The following SMARCA2 variants were observed in gnomAD, a reference collection of about 807,000 sequenced individuals.
SMARCA2 encodes the protein SWI/SNF related BAF chromatin remodeling complex subunit ATPase 2.
Under a neutral mutation model 199.8 loss-of-function variants are expected in SMARCA2, and 61 were observed. The ratio of observed to expected loss-of-function variants is 0.31; its 90% confidence interval spans 0.25 to 0.38. The LOEUF (loss-of-function observed/expected upper bound fraction) is 0.38, where lower values mean the gene tolerates loss of function less well. Ranked by LOEUF, SMARCA2 falls within the 10% of genes least tolerant of loss-of-function variation. The pLI, the probability that SMARCA2 is intolerant of heterozygous loss-of-function variation, is 1.00. For missense variants in SMARCA2, 1,344 were observed against 2,012.2 expected, an observed-to-expected ratio of 0.67 and a Z score of 6.35; for synonymous variants, 935 against 732.0, an observed-to-expected ratio of 1.28 and a Z score of -4.48.
chr9:2,103,346 G>C (rs187145101), intron 22 of SMARCA2, among the ~76,000 whole-genome samples: 1 of 152,134 alleles, frequency 6.6e-6, no homozygotes, highest in Non-Finnish European at 1.5e-5. Flanking sequence ...GACAGCAGAC[G>C]GGGCCAAAGG....
chr9:2,033,729 A>G (rs1819174903), intron 3 of SMARCA2, among the ~76,000 whole-genome samples: 1 of 152,250 alleles, frequency 6.6e-6, no homozygotes, highest in Admixed American at 6.5e-5. Flanking sequence ...GCTTTAGAGA[A>G]GTATCCTTCC....
chr9:2,021,592 G>T (rs1360217045), intron 1 of SMARCA2, among the ~76,000 whole-genome samples: 4 of 152,274 alleles, frequency 2.6e-5, no homozygotes, highest in South Asian at 2.1e-4. Context: ...CCTGTGCTTT[G>T]TTGAACTGGA....
intron 24 of SMARCA2, among the ~76,000 whole-genome samples, chr9:2,111,024 T>C (rs1031344946): frequency 6.6e-6 from 1 of 151,504 alleles, no homozygotes; most frequent in Non-Finnish European, 1.5e-5. Flanking sequence ...GCTATCCTTT[T>C]AAAGCAGTAC....
At chr9:2,079,992 G>A (rs1821496312) in intron 14 of SMARCA2, 1 of 152,124 alleles carries the variant, frequency 6.6e-6, no homozygotes, top group Non-Finnish European at 1.5e-5. Context: ...GTGTCTCTCT[G>A]GATTTATACC....
chr9:2,110,327 C>T lies in SMARCA2; in HGVS notation c.3366C>T (p.Phe1122=). The T allele has an allele frequency of 6.2e-7, 1 of 1,613,672 alleles. No individual in the cohort carries two copies. Residue 1122 remains phenylalanine (F), a synonymous_variant, in exon 24 of 34, where the codon TTC becomes TTT. Coordinates refer to ENST00000349721, the MANE Select transcript of SMARCA2 (RefSeq NM_003070.5). The surrounding 1 kb of genome is among the most constrained non-coding windows in gnomAD (Gnocchi z 4.8). ...AACCTGGATCCCAGTATTTCATTTT[C>T]TTGCTGAGCACAAGAGCTGGTGGCC... is the stretch of plus-strand genomic sequence containing the variant. ...FNEPGSQYFI[F]LLSTRAGGLG... is the part of the protein sequence containing the mutation.
Position 2,182,220 on chromosome 9 carries a change from C to G in SMARCA2, c.4439C>G (p.Thr1480Arg). The change falls in exon 31 of 34, where the codon ACG (threonine) becomes AGG (arginine). Residue 1480 changes from threonine (T) to arginine (R), a missense_variant. Physicochemically the swap from Thr to Arg is moderately conservative, Grantham distance 71. Transcript: ENST00000349721. ...DVMLLCHNAQTFNLEGSQIYE... is the reference protein window; with the variant it reads ...DVMLLCHNAQRFNLEGSQIYE... ...ATGCTTCTCTGTCACAACGCTCAGA[C>G]GTTCAACCTGGAGGGATCCCAGGTC... 1.9e-6 allele frequency: 3 copies of G among 1,612,358 alleles called. No homozygotes were observed. Among genetic ancestry groups the G allele is most frequent in the Non-Finnish European group, 2.5e-6 (3 of 1,178,442 alleles).
At chr9:2,028,615 A>C (rs1047821184) in intron 1 of SMARCA2, among the ~76,000 whole-genome samples, 5 of 152,164 alleles carry the variant, frequency 3.3e-5, no homozygotes, top group African/African-American at 1.2e-4. Flanking sequence ...TGTGGGGGTT[A>C]ATGTCTTGTA....
At chr9:2,019,097 A>T (rs975205377) in intron 1 of SMARCA2, among the ~76,000 whole-genome samples, 45 of 151,986 alleles carry the variant, frequency 3.0e-4, no homozygotes, top group Admixed American at 2.4e-3. Context: ...ATTTAGAGAC[A>T]CCTGTTAGGT....
intron 27 of SMARCA2, among the ~76,000 whole-genome samples, chr9:2,140,081 T>C (rs1158396707): frequency 6.6e-6 from 1 of 152,190 alleles, no homozygotes; most frequent in Non-Finnish European, 1.5e-5. Flanking sequence ...TTTGCTACTT[T>C]CCTTGCAAAT....
chr9:2,042,248 CA>C (rs1385609512), intron 4 of SMARCA2: 1 of 152,078 alleles, frequency 6.6e-6, no homozygotes, highest in African/African-American at 2.4e-5. Context: ...AAGTAGAGGC[CA>C]GCTGGTAACT....
chr9:2,192,948 A>G lies in SMARCA2; in HGVS notation c.*209A>G. On this transcript the variant is annotated 3_prime_UTR_variant, in exon 34 of 34. Transcript: ENST00000349721. ...AAATATTTGTAACATATTGTGACCA[A>G]ATGGGCCTCAAAGATTCAGATTGAA... 6 of 512,068 alleles carry G rather than the reference A, an allele frequency of 1.2e-5. No homozygotes were observed. Among genetic ancestry groups the G allele is most frequent in the Non-Finnish European group, 2.1e-5 (6 of 290,652 alleles). The allele number at this position is 512,068 out of a possible 1,614,324, so 31.7% of individuals were successfully genotyped here.
At chr9:2,131,474 C>T (rs375516032) in intron 27 of SMARCA2, among the ~76,000 whole-genome samples, 3 of 152,166 alleles carry the variant, frequency 2.0e-5, no homozygotes, top group Admixed American at 6.5e-5. Flanking sequence ...TTAAATTGGG[C>T]GATAGATAAC....
intron 27 of SMARCA2, among the ~76,000 whole-genome samples, chr9:2,144,088 T>C (rs569529568): frequency 6.6e-6 from 1 of 151,706 alleles, no homozygotes; most frequent in African/African-American, 2.4e-5. Context: ...GATGTAGGCA[T>C]TTCTTTTGAG....
chr9:2,116,588 G>C (rs1176914971), intron 25 of SMARCA2, among the ~76,000 whole-genome samples: 1 of 152,316 alleles, frequency 6.6e-6, no homozygotes, highest in East Asian at 1.9e-4. Context: ...TTTAAGAGCT[G>C]TCTGAAGGTT....
chr9:2,039,560 A>G lies in SMARCA2; in HGVS notation c.450A>G (p.Pro150=). The part of the protein sequence containing the change: ...GGGPTPPQMP[P]SQPGALIPGD... ...GCCCAACTCCACCTCAGATGCCACC[A>G]AGCCAGCCGGGGGCCCTCATCCCAG... The change falls in exon 4 of 34, where the codon CCA becomes CCG. Residue 150 remains proline, a synonymous_variant. Transcript: ENST00000349721. The surrounding 1 kb of genome is among the most constrained non-coding windows in gnomAD (Gnocchi z 4.8). 6.2e-7 allele frequency: 1 copy of G among 1,614,146 alleles called. No homozygotes were observed. Among genetic ancestry groups the G allele is most frequent in the South Asian group, 1.1e-5 (1 of 91,078 alleles).
chr9:2,026,429 CA>C (rs934175873), intron 1 of SMARCA2, among the ~76,000 whole-genome samples: 1 of 151,448 alleles, frequency 6.6e-6, no homozygotes, highest in Non-Finnish European at 1.5e-5. Flanking sequence ...TTTCCTTTAG[CA>C]AAAAAAACGA....
intron 5 of SMARCA2, among the ~76,000 whole-genome samples, chr9:2,049,244 C>T (rs1031721546): frequency 7.9e-5 from 12 of 152,184 alleles, no homozygotes; most frequent in African/African-American, 2.2e-4. Context: ...ATTTTGCTAA[C>T]TCCTAAATGT....
chr9:2,154,397 A>C (rs73638397), intron 27 of SMARCA2, among the ~76,000 whole-genome samples: 1 of 152,158 alleles, frequency 6.6e-6, no homozygotes, highest in African/African-American at 2.4e-5. Flanking sequence ...TCAAACTACT[A>C]TGCTTTTGAT....
Position 2,188,667 on chromosome 9 carries a change from CCACAAACTTAGTGACTTTAATACAA to C in SMARCA2, c.4594+2450_4594+2474del, listed in dbSNP as rs894270532. ...TTTCTATTGCTGCTATAACAAATTA[CCACAAACTTAGTGACTTTAATACAA>C]CACAAACTTATTACCTCTTGTGGGT... On this transcript the variant is annotated intron_variant, in intron 32 of 33. Coordinates refer to ENST00000349721, the MANE Select transcript of SMARCA2 (RefSeq NM_003070.5). 2.6e-5 allele frequency among the ~76,000 whole-genome samples: 4 copies of C among 152,284 alleles called. No individual in the cohort carries two copies. In the South Asian group the frequency reaches 8.3e-4, roughly 32 times the overall value.
Sources: gnomAD v4.1 joint callset for allele counts (sites outside exome capture counted in the v4.1 genomes callset) on GRCh38, gnomAD v4.1.1 for gene constraint, Gnocchi (gnomAD v3.1) non-coding constraint, MANE v1.5 for transcripts, NCBI Gene and HGNC (gene_info 2026-07-23, HGNC 2026-07-21) for gene names.